The following EVC2 variants were observed in gnomAD, a reference collection of about 807,000 sequenced individuals.
EVC2 encodes the protein EvC ciliary complex subunit 2.
A neutral mutation model predicts 149.3 loss-of-function variants in EVC2; 148 were observed. The ratio of observed to expected loss-of-function variants is 0.99; its 90% confidence interval spans 0.87 to 1.14. EVC2 has a LOEUF of 1.14. EVC2 is among the 50% of genes most tolerant of loss of function. The probability of loss-of-function intolerance (pLI) is 0.00; values close to 1 mark genes in which losing one functional copy is unlikely to be tolerated. For missense variants in EVC2, 1,854 were observed against 1,627.3 expected, an observed-to-expected ratio of 1.14 and a Z score of -2.40; for synonymous variants, 776 against 649.9, an observed-to-expected ratio of 1.19 and a Z score of -2.95.
In EVC2 at chr4:5,631,940, GTCT is replaced by G. The variant is rs772411576; in HGVS notation, c.1560_1562del (p.Glu520del). 3.6e-5 allele frequency: 58 copies of G among 1,614,216 alleles called. No individual in the cohort carries two copies. The highest frequency in any genetic ancestry group is 1.6e-4 in the Middle Eastern group (1 of 6,062). On this transcript the variant is annotated inframe_deletion, in exon 11 of 22. Transcript: ENST00000344408. ...CCAGCTGTCTGTGAGCTTTGGCAAA[GTCT>G]TCTTCTTGTTGCAAAGCGAGAGACT...
rs1019251368 is a variant in EVC2, at chr4:5,567,359, GA to G, written c.3557+1084del. Among the ~76,000 whole-genome samples, 1 of 152,090 alleles carries G rather than the reference GA, an allele frequency of 6.6e-6. No homozygotes were observed. The highest frequency in any genetic ancestry group is 2.4e-5 in the African/African-American group (1 of 41,400). On this transcript the variant is annotated intron_variant, in intron 20 of 21. Transcript: ENST00000344408. This position sits in a 1 kb window ranked among gnomAD's most constrained non-coding sequence, Gnocchi z 4.4. The stretch of plus-strand genomic sequence containing the variant: ...CTTGGATTTTGGGGTCAGATACTCT[GA>G]TAAAAAGTATCTCTGATAAGGAAAA...
intron 13 of EVC2, among the ~76,000 whole-genome samples, chr4:5,624,760 G>T (rs1197702255): frequency 6.6e-6 from 1 of 152,178 alleles, no homozygotes; most frequent in Non-Finnish European, 1.5e-5. Context: ...CAAAGATGGG[G>T]TATGCATCAG....
At chr4:5,577,053 G>A (rs1290646847) in intron 17 of EVC2, among the ~76,000 whole-genome samples, 1 of 152,218 alleles carries the variant, frequency 6.6e-6, no homozygotes, top group Non-Finnish European at 1.5e-5. Flanking sequence ...TCAGGGTGCC[G>A]AGCACTGCTC....
Position 5,625,231 on chromosome 4 carries a change from C to T in EVC2, c.2046+518G>A, listed in dbSNP as rs996533709. Reference sequence around the variant, plus strand: ...GGCCCTACCCTCGTCCCTCTGCACACTCCAGCCTCATCATATTCTTAGAGT... The same window carrying T: ...GGCCCTACCCTCGTCCCTCTGCACATTCCAGCCTCATCATATTCTTAGAGT... On this transcript the variant is annotated intron_variant, in intron 13 of 21. Transcript: ENST00000344408. The surrounding 1 kb of genome is among the most constrained non-coding windows in gnomAD (Gnocchi z 4.0). Among the ~76,000 whole-genome samples the T allele has an allele frequency of 6.6e-6, 1 of 151,986 alleles. No individual in the cohort carries two copies. Among genetic ancestry groups the T allele is most frequent in the African/African-American group, 2.4e-5 (1 of 41,362 alleles).
intron 16 of EVC2, among the ~76,000 whole-genome samples, chr4:5,604,807 T>G (rs556559141): frequency 1.1e-3 from 165 of 152,150 alleles, no homozygotes; most frequent in African/African-American, 3.8e-3. Flanking sequence ...TTACCATGCA[T>G]CCCATAAATA....
rs367909431 is a variant in EVC2 at position 5,640,489 on chromosome 4, C to T, written c.1470+25G>A. 1.6e-4 allele frequency: 262 copies of T among 1,612,952 alleles called. No homozygotes were observed. Among genetic ancestry groups the T allele is most frequent in the Non-Finnish European group, 2.0e-4 (233 of 1,179,056 alleles). On this transcript the variant is annotated intron_variant, in intron 10 of 21. Transcript: ENST00000344408. This position sits in a 1 kb window ranked among gnomAD's most constrained non-coding sequence, Gnocchi z 4.6. ...AATCCCTGAGAGAAAGGGAAGTGAA[C>T]GCCTTCCTTTCAGACCTGTCTTACC...
chr4:5,641,913 A>G (rs1407647612), intron 9 of EVC2, among the ~76,000 whole-genome samples: 2 of 152,042 alleles, frequency 1.3e-5, no homozygotes, highest in East Asian at 1.9e-4. Flanking sequence ...GGCATTAACT[A>G]TTTGTCTTAA....
chr4:5,533,641 G>A, the EVC2 span, among the ~76,000 whole-genome samples: 1 of 152,226 alleles, frequency 6.6e-6, no homozygotes, highest in Non-Finnish European at 1.5e-5. Flanking sequence ...GCATCTAGCT[G>A]TGGATAAGAG....
intron 6 of EVC2, among the ~76,000 whole-genome samples, chr4:5,682,050 C>G (rs774092543): frequency 3.3e-5 from 5 of 152,164 alleles, no homozygotes; most frequent in Non-Finnish European, 5.9e-5. Context: ...AAATGGTAAT[C>G]ATATTCAACT....
chr4:5,695,394 A>G (rs1308361139), intron 2 of EVC2, among the ~76,000 whole-genome samples: 2 of 152,014 alleles, frequency 1.3e-5, no homozygotes, highest in African/African-American at 2.4e-5. Context: ...ACTCCCTTAG[A>G]TTTTTCTCTG....
At chr4:5,656,587 A>G (rs538713973) in intron 9 of EVC2, among the ~76,000 whole-genome samples, 5 of 152,302 alleles carry the variant, frequency 3.3e-5, no homozygotes, top group South Asian at 4.1e-4. Flanking sequence ...GATTTCACAC[A>G]CACAGAAGAA....
chr4:5,708,744 C>G, upstream of EVC2: 1 of 434,288 alleles, frequency 2.3e-6, no homozygotes, highest in Non-Finnish European at 4.0e-6. Context: ...CCTGGGTTTG[C>G]TTGCGCCCAA....
At chr4:5,605,177 G>C (rs1714285972) in intron 16 of EVC2, among the ~76,000 whole-genome samples, 1 of 152,170 alleles carries the variant, frequency 6.6e-6, no homozygotes. Context: ...TAGGCTATTA[G>C]GATAATGGCA....
intron 7 of EVC2, among the ~76,000 whole-genome samples, chr4:5,668,990 G>C (rs920653514): frequency 6.6e-6 from 1 of 152,230 alleles, no homozygotes; most frequent in African/African-American, 2.4e-5. Flanking sequence ...AGGAGAGGGA[G>C]ATTTGTAGAC....
At chr4:5,550,620 A>C (rs1283918088) in intron 21 of EVC2, among the ~76,000 whole-genome samples, 1 of 152,242 alleles carries the variant, frequency 6.6e-6, no homozygotes, top group East Asian at 1.9e-4. Flanking sequence ...AGAAAATCCT[A>C]TCTTCTGTGG....
intron 8 of EVC2, among the ~76,000 whole-genome samples, chr4:5,663,807 G>A (rs112177532): frequency 1.3e-5 from 2 of 152,012 alleles, no homozygotes; most frequent in South Asian, 4.1e-4. Context: ...TGTAATCCCA[G>A]CTACTCAGGA....
intron 1 of EVC2, 158 bp downstream of exon 1, chr4:5,708,128 G>A: frequency 1.7e-6 from 1 of 581,918 alleles, no homozygotes; most frequent in Non-Finnish European, 2.7e-6. Context: ...TTCTGGCCGT[G>A]AGCGGGATAC....
chr4:5,537,717 A>C, the EVC2 span, among the ~76,000 whole-genome samples: 1 of 152,284 alleles, frequency 6.6e-6, no homozygotes, highest in South Asian at 2.1e-4. Context: ...TGTGGTGCAA[A>C]ATAACGAAGA....
In EVC2 at chr4:5,637,808, T is replaced by TC. The variant is rs1560184931; in HGVS notation, c.1470+2705_1470+2706insG. Among the ~76,000 whole-genome samples the TC allele has an allele frequency of 2.1e-5, 3 of 140,534 alleles. No homozygotes were observed. The highest frequency in any genetic ancestry group is 2.2e-4 in the South Asian group (1 of 4,490). The allele number at this position is 140,534 out of a possible 152,430, so 92.2% of individuals were successfully genotyped here. ...CTGAGTTGTGGGATGGGCTTCTCTC[T>TC]TTTTTTTTTTTTTCAGGGCTTTTTC... On this transcript the variant is annotated intron_variant, in intron 10 of 21. Transcript: ENST00000344408. The surrounding 1 kb of genome is among the most constrained non-coding windows in gnomAD (Gnocchi z 4.4).
Sources: gnomAD v4.1 joint callset for allele counts (sites outside exome capture counted in the v4.1 genomes callset) on GRCh38, gnomAD v4.1.1 for gene constraint, Gnocchi (gnomAD v3.1) non-coding constraint, MANE v1.5 for transcripts, NCBI Gene and HGNC (gene_info 2026-07-23, HGNC 2026-07-21) for gene names.